Variants in RXFP2 observed in about 807,000 individuals in gnomAD.
RXFP2 encodes the protein relaxin receptor 2.
Under a neutral mutation model 88.6 loss-of-function variants are expected in RXFP2, and 68 were observed. That is an observed-to-expected ratio of 0.77 (90% CI 0.63 to 0.94). The LOEUF (loss-of-function observed/expected upper bound fraction) is 0.94, where lower values mean the gene tolerates loss of function less well. Among genes scored for constraint, RXFP2 ranks in the 40% least tolerant of loss-of-function variants. The pLI is 0.00. For missense variants in RXFP2, 791 were observed against 893.9 expected (o/e 0.88, Z 1.47); for synonymous variants, 329 against 306.8 (o/e 1.07, Z -0.76).
At chr13:31,771,932 G>A (rs1407529756) in intron 5 of RXFP2, among the ~76,000 whole-genome samples, 11 of 151,638 alleles carry the variant, frequency 7.3e-5, no homozygotes, top group Non-Finnish European at 4.4e-5. Flanking sequence ...CAGTGGAGTT[G>A]AGATCATTTA....
intron 1 of RXFP2, among the ~76,000 whole-genome samples, chr13:31,749,799 T>A (rs1871583874): frequency 6.6e-6 from 1 of 152,232 alleles, no homozygotes; most frequent in African/African-American, 2.4e-5. Context: ...ACAGTCATAT[T>A]ATTTATGAAT....
At chr13:31,799,993 T>C (rs1463767510) in intron 17 of RXFP2, among the ~76,000 whole-genome samples, 1 of 152,204 alleles carries the variant, frequency 6.6e-6, no homozygotes, top group Middle Eastern at 3.2e-3. Context: ...GAACATTGTC[T>C]TGTGGAAACA....
chr13:31,748,521 G>C (rs1406356065), intron 1 of RXFP2, among the ~76,000 whole-genome samples: 4 of 152,098 alleles, frequency 2.6e-5, no homozygotes, highest in African/African-American at 4.8e-5. Flanking sequence ...TCGTCATTCA[G>C]ATATCCTCTT....
At chr13:31,786,812 G>A (rs899358726) in intron 13 of RXFP2, among the ~76,000 whole-genome samples, 175 bp downstream of exon 13, 2 of 152,050 alleles carry the variant, frequency 1.3e-5, no homozygotes, top group African/African-American at 2.4e-5. Context: ...TTTACCATTC[G>A]ACATGTATGA....
chr13:31,778,361 T>A (rs1386916156), intron 8 of RXFP2, 151 bp from the exon 9 acceptor site: 1 of 617,128 alleles, frequency 1.6e-6, no homozygotes, highest in Non-Finnish European at 2.9e-6. Flanking sequence ...GCCATACACA[T>A]GTTTTAAAGA....
intron 11 of RXFP2, among the ~76,000 whole-genome samples, chr13:31,783,047 T>C (rs1002593373): frequency 1.3e-5 from 2 of 152,218 alleles, no homozygotes; most frequent in African/African-American, 4.8e-5. Flanking sequence ...CAGGGATCAT[T>C]TCTTTCTACT....
chr13:31,748,661 G>C (rs1203825809), intron 1 of RXFP2, among the ~76,000 whole-genome samples: 1 of 152,012 alleles, frequency 6.6e-6, no homozygotes, highest in Non-Finnish European at 1.5e-5. Context: ...TCTGCAGCTT[G>C]TCTTTGCACT....
intron 1 of RXFP2, among the ~76,000 whole-genome samples, chr13:31,748,577 G>A (rs543634500): frequency 8.9e-4 from 135 of 152,044 alleles, no homozygotes; most frequent in African/African-American, 2.1e-3. Context: ...TCTATTTACC[G>A]TTCATTTTTC....
At chr13:31,767,664 T>C (rs1357588679) in intron 5 of RXFP2, among the ~76,000 whole-genome samples, 1 of 152,176 alleles carries the variant, frequency 6.6e-6, no homozygotes, top group Non-Finnish European at 1.5e-5. Context: ...GTGACTAAAG[T>C]CTGCAATGGT....
chr13:31,739,998 T>C (rs1319361392), intron 1 of RXFP2, among the ~76,000 whole-genome samples: 1 of 152,174 alleles, frequency 6.6e-6, no homozygotes, highest in Non-Finnish European at 1.5e-5. Flanking sequence ...AAAACATTTT[T>C]GGCATTTGTT....
chr13:31,739,882 T>G (rs2138374320), intron 1 of RXFP2, among the ~76,000 whole-genome samples, 176 bp downstream of exon 1: 1 of 152,246 alleles, frequency 6.6e-6, no homozygotes, highest in East Asian at 1.9e-4. Context: ...AGCCTAGTAA[T>G]TTTTAGATGC....
chr13:31,742,263 C>T (rs997672202), intron 1 of RXFP2, among the ~76,000 whole-genome samples: 2 of 152,102 alleles, frequency 1.3e-5, no homozygotes, highest in Admixed American at 1.3e-4. Flanking sequence ...CGGGCCCGAA[C>T]AGTATTTTGA....
chr13:31,781,719 G>C lies in RXFP2; in HGVS notation c.834G>C (p.Leu278=). The C allele has an allele frequency of 5.6e-6, 9 of 1,612,488 alleles. No homozygotes were observed. Among genetic ancestry groups the C allele is most frequent in the Non-Finnish European group, 6.8e-6 (8 of 1,178,884 alleles). The change falls in exon 10 of 18, where the codon CTG becomes CTC. Residue 278 remains leucine, a synonymous_variant. Transcript: ENST00000298386. ...AGTATCTCACAAATTCTACGTTTCT[G>C]TCGTGCGATTCGCTCACAGTGCTGT... ...RIKYLTNSTF[L]SCDSLTVLFL...
At chr13:31,795,007 C>T (rs1161508123) in intron 16 of RXFP2, among the ~76,000 whole-genome samples, 1 of 152,050 alleles carries the variant, frequency 6.6e-6, no homozygotes, top group East Asian at 1.9e-4. Context: ...TATAAGAATA[C>T]ATAATTTTTA....
rs1471013933 is a variant in RXFP2 at position 31,766,011 on chromosome 13, A to G, written c.481A>G (p.Thr161Ala). ...SLPDKVFIKYTKLKKIFLQHN... is the reference protein window; with the variant it reads ...SLPDKVFIKYAKLKKIFLQHN... ...TCCAGATAAAGTTTTCATCAAATAC[A>G]CAAAACTTAAAAAGATGTAAGTAGC... The change falls in exon 5 of 18, where the codon ACA (threonine) becomes GCA (alanine). Residue 161 changes from threonine to alanine, a missense_variant. Thr to Ala is a moderately conservative substitution (Grantham distance 58). Transcript: ENST00000298386. 6.5e-6 allele frequency: 10 copies of G among 1,537,032 alleles called. No homozygotes were observed. The highest frequency in any genetic ancestry group is 9.0e-6 in the Non-Finnish European group (10 of 1,110,930).
chr13:31,766,661 A>G (rs996358502), intron 5 of RXFP2, among the ~76,000 whole-genome samples: 2 of 152,138 alleles, frequency 1.3e-5, no homozygotes, highest in Admixed American at 1.3e-4. Context: ...TCCCCACCAC[A>G]ATTTTCATGA....
chr13:31,766,888 A>G (rs759988700), intron 5 of RXFP2, among the ~76,000 whole-genome samples: 5 of 152,130 alleles, frequency 3.3e-5, no homozygotes, highest in Non-Finnish European at 5.9e-5. Flanking sequence ...ATATCTGTCA[A>G]TCCCTCTGGG....
At chr13:31,776,665 T>G (rs1873001817) in intron 7 of RXFP2, among the ~76,000 whole-genome samples, 1 of 152,114 alleles carries the variant, frequency 6.6e-6, no homozygotes, top group African/African-American at 2.4e-5. Context: ...AGTTAAACAG[T>G]TCCACATGCA....
At chr13:31,770,148 A>C (rs968480568) in intron 5 of RXFP2, among the ~76,000 whole-genome samples, 3 of 152,234 alleles carry the variant, frequency 2.0e-5, no homozygotes, top group African/African-American at 7.2e-5. Context: ...TTGGTCTGCC[A>C]TGTGGTTTCT....
Sources: allele counts gnomAD v4.1 joint callset (sites outside exome capture counted in the v4.1 genomes callset), GRCh38; gene constraint gnomAD v4.1.1; transcripts MANE v1.5; gene names NCBI Gene and HGNC (gene_info 2026-07-23, HGNC 2026-07-21).